UVRAG: variants seen among roughly 807,000 people sequenced by gnomAD.
UVRAG encodes the protein UV radiation resistance associated.
UVRAG carries 19 observed loss-of-function variants against 78.0 expected under a neutral mutation model. The observed-to-expected ratio is 0.24, with a 90% CI of 0.17 to 0.36. The LOEUF (loss-of-function observed/expected upper bound fraction) is 0.36. Among genes scored for constraint, UVRAG ranks in the 10% least tolerant of loss-of-function variants. UVRAG has a pLI of 1.00. For synonymous variants in UVRAG, 323 were observed against 324.6 expected, an observed-to-expected ratio of 1.00 and a Z score of 0.05; for missense variants, 740 against 853.8, an observed-to-expected ratio of 0.87 and a Z score of 1.66.
chr11:76,126,290 A>G (rs1172651844), intron 14 of UVRAG, among the ~76,000 whole-genome samples: 1 of 152,206 alleles, frequency 6.6e-6, no homozygotes, highest in Admixed American at 6.5e-5. Context: ...AGCTAATTTT[A>G]ATAATATATT....
Position 75,908,111 on chromosome 11 carries a change from G to A in UVRAG, c.508-3843G>A, listed in dbSNP as rs56099910. Among the ~76,000 whole-genome samples, 1,497 of 152,026 alleles carry A rather than the reference G, an allele frequency of 9.8e-3. 26 individuals carry two copies. The highest frequency in any genetic ancestry group is 0.034 in the African/African-American group (1,398 of 41,456). On this transcript the variant is annotated intron_variant, in intron 5 of 14. Transcript: ENST00000356136. ...TATCCCCTGGTCCCTGCCAGTTACC[G>A]TTCGACTTTCTGTTTCTATGATTTT...
At chr11:75,852,395 A>G (rs1319518035) in intron 2 of UVRAG, among the ~76,000 whole-genome samples, 1 of 152,136 alleles carries the variant, frequency 6.6e-6, no homozygotes, top group Non-Finnish European at 1.5e-5. Flanking sequence ...CCCTGTATAT[A>G]TGGGATCTTT....
Position 76,129,878 on chromosome 11 carries a change from C to G in UVRAG, c.1398-10833C>G, listed in dbSNP as rs554766369. 2.0e-5 allele frequency among the ~76,000 whole-genome samples: 3 copies of G among 152,236 alleles called. No individual in the cohort carries two copies. In the South Asian group the frequency reaches 6.2e-4, roughly 32 times the overall value. On this transcript the variant is annotated intron_variant, in intron 14 of 14. Coordinates refer to ENST00000356136, the MANE Select transcript of UVRAG (RefSeq NM_003369.4). The stretch of plus-strand genomic sequence containing the variant: ...TTCCAAAGTATAAATGTCTCTCTCT[C>G]TCTCTCTCTCTGCACCTCTGACACA...
intron 6 of UVRAG, among the ~76,000 whole-genome samples, chr11:75,944,353 T>C (rs1026656527): frequency 6.6e-6 from 1 of 152,118 alleles, no homozygotes; most frequent in African/African-American, 2.4e-5. Context: ...ATAATGTGTT[T>C]GATAAGGTAT....
chr11:75,958,377 C>T (rs1948843226), intron 6 of UVRAG, among the ~76,000 whole-genome samples: 3 of 152,090 alleles, frequency 2.0e-5, no homozygotes, highest in Non-Finnish European at 4.4e-5. Flanking sequence ...TTTATGATGG[C>T]GTAAATTTTT....
At chr11:75,953,166 C>T (rs1948733767) in intron 6 of UVRAG, among the ~76,000 whole-genome samples, 1 of 152,082 alleles carries the variant, frequency 6.6e-6, no homozygotes, top group Non-Finnish European at 1.5e-5. Flanking sequence ...TCTCACTTTT[C>T]ACATTTACAC....
chr11:75,877,619 C>A (rs1161902934), intron 3 of UVRAG, among the ~76,000 whole-genome samples: 1 of 140,472 alleles, frequency 7.1e-6, no homozygotes, highest in African/African-American at 2.7e-5. Flanking sequence ...CTGACCCCCC[C>A]ACCTCCCTCC....
chr11:75,953,139 T>G (rs1948733612), intron 6 of UVRAG, among the ~76,000 whole-genome samples: 1 of 152,138 alleles, frequency 6.6e-6, no homozygotes, highest in African/African-American at 2.4e-5. Context: ...CAAGCATCAT[T>G]CTTTATCTCT....
At chr11:75,818,620 A>G (rs1037941814) in intron 1 of UVRAG, among the ~76,000 whole-genome samples, 3 of 151,844 alleles carry the variant, frequency 2.0e-5, no homozygotes, top group African/African-American at 2.4e-5. Context: ...CTGGGATTAC[A>G]AGCACCTGCC....
chr11:75,874,878 T>G (rs555882634), intron 3 of UVRAG, among the ~76,000 whole-genome samples: 1 of 152,324 alleles, frequency 6.6e-6, no homozygotes, highest in African/African-American at 2.4e-5. Flanking sequence ...GCCTGTCAGC[T>G]CTCTTCATTT....
intron 6 of UVRAG, among the ~76,000 whole-genome samples, chr11:75,949,714 T>TATATACACAC (rs59607906): frequency 2.2e-3 from 307 of 136,852 alleles, no homozygotes; most frequent in African/African-American, 8.2e-3. Flanking sequence ...TATATATATA[T>TATATACACAC]ACACACACAC....
chr11:76,031,387 G>A (rs898459504), intron 12 of UVRAG, among the ~76,000 whole-genome samples: 16 of 152,178 alleles, frequency 1.1e-4, no homozygotes, highest in Admixed American at 5.2e-4. Flanking sequence ...TAGGCATTCC[G>A]CTGAGAGAGG....
chr11:76,002,576 G>T (rs1949835948), intron 8 of UVRAG, among the ~76,000 whole-genome samples: 1 of 152,194 alleles, frequency 6.6e-6, no homozygotes, highest in Non-Finnish European at 1.5e-5. Flanking sequence ...AGTGGTAGAA[G>T]AATTCATATA....
intron 13 of UVRAG, among the ~76,000 whole-genome samples, chr11:76,076,800 T>TTATA (rs1759244944): frequency 7.8e-6 from 1 of 128,242 alleles, no homozygotes; most frequent in South Asian, 2.5e-4. Context: ...TTAAATTAGG[T>TTATA]TGTATTTATT....
chr11:76,029,191 C>T (rs1198218457), intron 12 of UVRAG, among the ~76,000 whole-genome samples: 3 of 152,052 alleles, frequency 2.0e-5, no homozygotes, highest in Non-Finnish European at 4.4e-5. Context: ...TTTTAAGGCC[C>T]CTGTTGAGAC....
chr11:75,896,651 G>A (rs1387445095), intron 5 of UVRAG, among the ~76,000 whole-genome samples: 1 of 152,208 alleles, frequency 6.6e-6, no homozygotes, highest in Non-Finnish European at 1.5e-5. Context: ...TGCCTGGTAT[G>A]TAGTAGGCTC....
chr11:75,937,105 C>A (rs1164471437), intron 6 of UVRAG, among the ~76,000 whole-genome samples: 1 of 152,200 alleles, frequency 6.6e-6, no homozygotes, highest in Non-Finnish European at 1.5e-5. Flanking sequence ...CGCGGTGGCT[C>A]ACGCCTGTAA....
chr11:75,866,706 T>C (rs1946547863), intron 3 of UVRAG, among the ~76,000 whole-genome samples: 1 of 152,218 alleles, frequency 6.6e-6, no homozygotes, highest in Non-Finnish European at 1.5e-5. Context: ...GGACCTCATG[T>C]GGTTCATGTT....
chr11:75,997,746 C>T lies in UVRAG; in HGVS notation c.827-6259C>T, dbSNP rs540896234. Among the ~76,000 whole-genome samples, 6 of 152,254 alleles carry T rather than the reference C, an allele frequency of 3.9e-5. No homozygotes were observed. The East Asian group carries it at 5.8e-4, about 15-fold the overall frequency. On this transcript the variant is annotated intron_variant, in intron 8 of 14. Coordinates refer to ENST00000356136, the MANE Select transcript of UVRAG (RefSeq NM_003369.4). ...CTGCAGCCTAGAACACAAATAGAAACGGCTGCAGGTAGGGTTCCTGATAGA... is the reference window on the plus strand; with the variant it reads ...CTGCAGCCTAGAACACAAATAGAAATGGCTGCAGGTAGGGTTCCTGATAGA...
Sources: gnomAD v4.1 joint callset for allele counts (sites outside exome capture counted in the v4.1 genomes callset) on GRCh38, gnomAD v4.1.1 for gene constraint, MANE v1.5 for transcripts, NCBI Gene and HGNC (gene_info 2026-07-23, HGNC 2026-07-21) for gene names.